The following GALNT2 variants were observed in gnomAD, a reference collection of about 807,000 sequenced individuals.
The protein encoded by GALNT2 is UDP-GalNAc:polypeptide N-acetylgalactosaminyltransferase 2.
GALNT2 carries 31 observed loss-of-function variants against 81.4 expected under a neutral mutation model. The ratio of observed to expected loss-of-function variants is 0.38; its 90% confidence interval spans 0.29 to 0.51. The LOEUF (loss-of-function observed/expected upper bound fraction) is 0.51, where lower values mean the gene tolerates loss of function less well. Ranked by LOEUF, GALNT2 falls within the 20% of genes least tolerant of loss-of-function variation. The pLI is 0.87. For missense variants in GALNT2, 629 were observed against 765.7 expected, an observed-to-expected ratio of 0.82 and a Z score of 2.11; for synonymous variants, 303 against 287.4, an observed-to-expected ratio of 1.05 and a Z score of -0.55.
intron 1 of GALNT2, among the ~76,000 whole-genome samples, chr1:230,164,161 A>G (rs765334099): frequency 6.6e-6 from 1 of 152,176 alleles, no homozygotes; most frequent in East Asian, 1.9e-4. Flanking sequence ...GCACTTGGAA[A>G]ATCCCTGGTA....
intron 1 of GALNT2, among the ~76,000 whole-genome samples, chr1:230,088,591 G>A (rs1659965380): frequency 6.7e-6 from 1 of 150,174 alleles, no homozygotes; most frequent in African/African-American, 2.5e-5. Context: ...AGGCTGGAGT[G>A]CAGTGGCGCT....
chr1:230,212,870 C>A (rs961318876), intron 3 of GALNT2, among the ~76,000 whole-genome samples: 1 of 152,090 alleles, frequency 6.6e-6, no homozygotes, highest in Non-Finnish European at 1.5e-5. Context: ...CTATTTCAGG[C>A]CTTCTCTCTG....
Position 230,087,286 on chromosome 1 carries a change from A to G in GALNT2, c.126+19880A>G, listed in dbSNP as rs1181133922. ...GCTCCCTCATCTGATGACCGGTACT[A>G]ATTACCGAATTTCACAAATGAAATA... is the stretch of plus-strand genomic sequence containing the variant. On this transcript the variant is annotated intron_variant, in intron 1 of 15. Coordinates refer to ENST00000366672, the MANE Select transcript of GALNT2 (RefSeq NM_004481.5). Among the ~76,000 whole-genome samples, 3 of 152,240 alleles carry G rather than the reference A, an allele frequency of 2.0e-5. No homozygotes were observed. The East Asian group carries it at 5.8e-4, about 29-fold the overall frequency.
intron 14 of GALNT2, among the ~76,000 whole-genome samples, chr1:230,270,119 T>G (rs1021113473): frequency 2.6e-5 from 4 of 152,006 alleles, no homozygotes; most frequent in African/African-American, 9.7e-5. Flanking sequence ...AAGAATCACT[T>G]GAACCCGGGA....
At chr1:230,136,519 C>T (rs556079487) in intron 1 of GALNT2, among the ~76,000 whole-genome samples, 5 of 152,078 alleles carry the variant, frequency 3.3e-5, no homozygotes, top group African/African-American at 1.2e-4. Flanking sequence ...ATGCATGCAC[C>T]CCCTCACTGC....
chr1:230,168,546 G>A (rs1358402999), intron 1 of GALNT2, among the ~76,000 whole-genome samples: 1 of 152,184 alleles, frequency 6.6e-6, no homozygotes, highest in African/African-American at 2.4e-5. Context: ...GAAGAGGGAG[G>A]CAAGAGGGCT....
At chr1:230,099,407 C>T (rs1435134685) in intron 1 of GALNT2, among the ~76,000 whole-genome samples, 1 of 152,172 alleles carries the variant, frequency 6.6e-6, no homozygotes, top group Non-Finnish European at 1.5e-5. Flanking sequence ...TGAATACACT[C>T]TCTGCTGCAA....
At chr1:230,134,980 G>T (rs575411809) in intron 1 of GALNT2, among the ~76,000 whole-genome samples, 16 of 152,332 alleles carry the variant, frequency 1.1e-4, no homozygotes, top group African/African-American at 3.8e-4. Flanking sequence ...CTGTTGTGAG[G>T]CTTAAATGAG....
In GALNT2 at chr1:230,156,025, G is replaced by A. The variant is rs539081018; in HGVS notation, c.127-22193G>A. Among the ~76,000 whole-genome samples, 10 of 152,258 alleles carry A rather than the reference G, an allele frequency of 6.6e-5. No homozygotes were observed. The South Asian group carries it at 2.1e-3, about 32-fold the overall frequency. On this transcript the variant is annotated intron_variant, in intron 1 of 15. Transcript: ENST00000366672. ...GGGAGAGACTGTGTCCTGGTCATGGGGCTCAGTCTGTGGGTGGGTGATAGA... is the reference window on the plus strand; with the variant it reads ...GGGAGAGACTGTGTCCTGGTCATGGAGCTCAGTCTGTGGGTGGGTGATAGA...
Position 230,280,324 on chromosome 1 carries a change from G to C in GALNT2, c.*866G>C, listed in dbSNP as rs1258943752. The C allele has an allele frequency of 3.4e-6, 1 of 296,788 alleles. No individual in the cohort carries two copies. Among genetic ancestry groups the C allele is most frequent in the Non-Finnish European group, 6.7e-6 (1 of 149,342 alleles). The allele number at this position is 296,788 out of a possible 1,614,324, so 18.4% of individuals were successfully genotyped here. ...GCATCCCTGTTGGGCGTCAGCCTGA[G>C]AGTCCCTACTGTGCGTCAGAATCCA... is the stretch of plus-strand genomic sequence containing the variant. On this transcript the variant is annotated 3_prime_UTR_variant, in exon 16 of 16. Coordinates refer to ENST00000366672, the MANE Select transcript of GALNT2 (RefSeq NM_004481.5).
intron 1 of GALNT2, among the ~76,000 whole-genome samples, chr1:230,115,181 T>G (rs1043138110): frequency 2.6e-5 from 4 of 152,080 alleles, no homozygotes; most frequent in African/African-American, 7.2e-5. Flanking sequence ...AATTTTTGTA[T>G]TTTTAGTAGA....
intron 2 of GALNT2, among the ~76,000 whole-genome samples, chr1:230,190,381 C>G (rs1263430406): frequency 1.3e-5 from 2 of 152,208 alleles, no homozygotes; most frequent in Non-Finnish European, 2.9e-5. Context: ...CTTGAAGCCT[C>G]AGGCCTTGCA....
chr1:230,076,833 C>T (rs537571339), intron 1 of GALNT2, among the ~76,000 whole-genome samples: 2 of 152,016 alleles, frequency 1.3e-5, no homozygotes, highest in South Asian at 4.1e-4. Flanking sequence ...ATTTACATGG[C>T]GGGAAAAAGA....
chr1:230,107,648 G>T (rs939178263), intron 1 of GALNT2, among the ~76,000 whole-genome samples: 3 of 151,366 alleles, frequency 2.0e-5, no homozygotes, highest in Non-Finnish European at 4.4e-5. Flanking sequence ...GTGTGTGGTT[G>T]GTTGGTTGGT....
chr1:230,067,479 T>G, intron 1 of GALNT2, 73 bp downstream of exon 1: 2 of 443,834 alleles, frequency 4.5e-6, no homozygotes, highest in African/African-American at 2.4e-5. Context: ...CCCTGCCCTC[T>G]CCGCGCCGCC....
At chr1:230,164,157 G>C (rs984298799) in intron 1 of GALNT2, among the ~76,000 whole-genome samples, 1 of 152,202 alleles carries the variant, frequency 6.6e-6, no homozygotes. Context: ...CCTGGCACTT[G>C]GAAAATCCCT....
rs1353303287 is a variant in GALNT2, at chr1:230,275,052, T to C, written c.1560+488T>C. The stretch of plus-strand genomic sequence containing the variant: ...CGCCACATATATACACATATATACA[T>C]GCCACATATATACGTATATATATAC... On this transcript the variant is annotated intron_variant, in intron 15 of 15. Transcript: ENST00000366672. The surrounding 1 kb of genome is among the most constrained non-coding windows in gnomAD (Gnocchi z 5.5). Among the ~76,000 whole-genome samples the C allele has an allele frequency of 1.3e-5, 2 of 149,610 alleles. No homozygotes were observed. The highest frequency in any genetic ancestry group is 2.5e-5 in the African/African-American group (1 of 40,456).
At position 230,101,238 on chromosome 1, in the gene GALNT2, C is replaced by T. The variant is rs1047404556; in HGVS notation, c.126+33832C>T. 2.7e-4 allele frequency among the ~76,000 whole-genome samples: 41 copies of T among 152,196 alleles called. 1 individual carries two copies. Among genetic ancestry groups the T allele is most frequent in the East Asian group, 7.7e-4 (4 of 5,202 alleles). ...ACATATGTGTATGCCTGTATAGATGCGTGTATTCTACATACTCCTAAATGT... is the reference window on the plus strand; with the variant it reads ...ACATATGTGTATGCCTGTATAGATGTGTGTATTCTACATACTCCTAAATGT... On this transcript the variant is annotated intron_variant, in intron 1 of 15. Coordinates refer to ENST00000366672, the MANE Select transcript of GALNT2 (RefSeq NM_004481.5).
At chr1:230,090,571 T>C (rs942482815) in intron 1 of GALNT2, among the ~76,000 whole-genome samples, 1 of 152,160 alleles carries the variant, frequency 6.6e-6, no homozygotes, top group Non-Finnish European at 1.5e-5. Context: ...CTGGTGCTTC[T>C]GAGGTTCCCA....
Sources: allele counts gnomAD v4.1 joint callset (sites outside exome capture counted in the v4.1 genomes callset), GRCh38; gene constraint gnomAD v4.1.1; non-coding constraint Gnocchi (gnomAD v3.1); transcripts MANE v1.5; gene names NCBI Gene and HGNC (gene_info 2026-07-23, HGNC 2026-07-21).